SHROOM2: variants seen among roughly 807,000 people sequenced by gnomAD.
The protein encoded by SHROOM2 is shroom family member 2.
A neutral mutation model predicts 75.9 loss-of-function variants in SHROOM2; 33 were observed. The ratio of observed to expected loss-of-function variants is 0.43; its 90% CI spans 0.33 to 0.58. The LOEUF is 0.58. Among genes scored for constraint, SHROOM2 ranks in the 20% least tolerant of loss-of-function variants. The pLI, the probability that SHROOM2 is intolerant of heterozygous loss-of-function variation, is 0.04. For missense variants in SHROOM2, 1,434 were observed against 1,461.2 expected (o/e 0.98, Z 0.30); for synonymous variants, 655 against 663.6 (o/e 0.99, Z 0.20).
rs1320545615 is a variant in SHROOM2 at position 9,786,618 on chromosome X, C to A, written c.73C>A (p.Arg25Ser). 2.3e-5 allele frequency: 20 copies of A among 879,464 alleles called. No homozygotes were observed. The East Asian group carries it at 8.2e-4, about 36-fold the overall frequency. 72.5% of individuals were successfully genotyped at this position (879,464 alleles called of 1,213,427 possible). A position where few individuals can be genotyped will look rare whatever the true frequency, so the allele number is the denominator to read the frequency against. The change falls in exon 1 of 10, where the codon CGC (arginine) becomes AGC (serine). Residue 25 changes from arginine (R) to serine (S), a missense_variant. Around this residue, in one of 3 missense-constraint regions of SHROOM2, gnomAD observed 1,340 missense variants for 1,338.3 expected, o/e 1.00. Transcript: ENST00000380913. The part of the protein sequence containing the change: ...EAETRAADGG[R>S]LVEVQLSGGA... Reference sequence around the variant, plus strand: ...CGAGACGCGGGCGGCGGACGGCGGGCGCCTGGTGGAGGTGCAGCTGAGCGG... The same window carrying A: ...CGAGACGCGGGCGGCGGACGGCGGGAGCCTGGTGGAGGTGCAGCTGAGCGG...
intron 2 of SHROOM2, among the ~76,000 whole-genome samples, chrX:9,875,567 A>G (rs1210964329): frequency 2.7e-5 from 3 of 111,776 alleles, no homozygotes; most frequent in Non-Finnish European, 3.8e-5. Context: ...CTCTTCTTTG[A>G]TGGAGACACC....
Position 9,838,968 on chromosome X carries a change from G to T in SHROOM2, c.166-34684G>T, listed in dbSNP as rs773198406. 7.2e-5 allele frequency among the ~76,000 whole-genome samples: 8 copies of T among 111,438 alleles called. No homozygotes were observed. In the South Asian group the frequency reaches 3.1e-3, roughly 43 times the overall value. On this transcript the variant is annotated intron_variant, in intron 1 of 9. Coordinates refer to ENST00000380913, the MANE Select transcript of SHROOM2 (RefSeq NM_001649.4). ...CTTAAGGAATACAAAGGATCTTTTG[G>T]GGGTGATGGAAAGGGACTAAGATTG... is the stretch of plus-strand genomic sequence containing the variant.
chrX:9,806,081 C>G (rs2083750191), intron 1 of SHROOM2, among the ~76,000 whole-genome samples: 1 of 110,835 alleles, frequency 9.0e-6, no homozygotes, highest in Non-Finnish European at 1.9e-5. Context: ...ACTGAATCCG[C>G]CATGTCTTGA....
rs762245831 is a variant in SHROOM2, at chrX:9,873,166, C to T, written c.166-486C>T. On this transcript the variant is annotated intron_variant, in intron 1 of 9. Coordinates refer to ENST00000380913, the MANE Select transcript of SHROOM2 (RefSeq NM_001649.4). ...GTAGTAATGAGCACAAGGTTTCTTT[C>T]GGGGTTAGGGGAAATGCCCTAATAT... Among the ~76,000 whole-genome samples the T allele has an allele frequency of 4.7e-3, 528 of 111,601 alleles. 3 individuals carry two copies. The highest frequency in any genetic ancestry group is 8.6e-3 in the South Asian group (23 of 2,668).
intron 5 of SHROOM2, among the ~76,000 whole-genome samples, chrX:9,920,623 C>A (rs1170314311): frequency 2.7e-5 from 3 of 111,760 alleles, no homozygotes; most frequent in Non-Finnish European, 5.6e-5. Flanking sequence ...GATTTTTTTT[C>A]TCTTTTAACC....
In SHROOM2 at chrX:9,930,521, A is replaced by AAAAG. The variant is rs527400882; in HGVS notation, c.2892-1630_2892-1627dup. ...GACCCTGTCTCAAAAAAAAAAAAAG[A>AAAAG]AAAGAAAGAAAGAAAGAAAGAAAGA... is the stretch of plus-strand genomic sequence containing the variant. On this transcript the variant is annotated intron_variant, in intron 5 of 9. Transcript: ENST00000380913. Among the ~76,000 whole-genome samples the AAAAG allele has an allele frequency of 8.0e-3, 862 of 107,653 alleles. 2 individuals are homozygous for AAAAG. The highest frequency in any genetic ancestry group is 0.013 in the Non-Finnish European group (659 of 52,099). 93.5% of individuals were successfully genotyped at this position (107,653 alleles called of 115,157 possible). A position where few individuals can be genotyped will look rare whatever the true frequency, so the allele number is the denominator to read the frequency against.
chrX:9,808,088 C>G (rs1460335308), intron 1 of SHROOM2, among the ~76,000 whole-genome samples: 1 of 111,121 alleles, frequency 9.0e-6, no homozygotes, highest in East Asian at 2.8e-4. Flanking sequence ...AGACTTTGCC[C>G]CGCTTGGAGC....
intron 1 of SHROOM2, among the ~76,000 whole-genome samples, chrX:9,809,555 G>A (rs938559867): frequency 8.9e-6 from 1 of 112,431 alleles, no homozygotes; most frequent in Non-Finnish European, 1.9e-5. Flanking sequence ...AAAGACAATG[G>A]TAAGGTCATA....
rs971469599 is a variant in SHROOM2, at chrX:9,932,683, C to T, written c.3400C>T (p.Arg1134Cys). 12 of 1,210,112 alleles carry T rather than the reference C, an allele frequency of 9.9e-6. No homozygotes were observed. Among genetic ancestry groups the T allele is most frequent in the African/African-American group, 5.2e-5 (3 of 57,444 alleles). Residue 1134 changes from arginine (R) to cysteine (C), a missense_variant, in exon 6 of 10, where the codon CGT becomes TGT. Physicochemically the swap from Arg to Cys is radical, Grantham distance 180. Around this residue, in one of 3 missense-constraint regions of SHROOM2, gnomAD observed 1,340 missense variants for 1,338.3 expected, o/e 1.00. Transcript: ENST00000380913. Reference sequence around the variant, plus strand: ...CACCCCGAAGGCCACTGTCTGTGAGCGTGGAAGCCAGCATGTGAGCGGGGA... The same window carrying T: ...CACCCCGAAGGCCACTGTCTGTGAGTGTGGAAGCCAGCATGTGAGCGGGGA... ...QDTPKATVCERGSQHVSGDAS... is the reference protein window; with the variant it reads ...QDTPKATVCECGSQHVSGDAS...
chrX:9,853,978 C>T (rs932880531), intron 1 of SHROOM2, among the ~76,000 whole-genome samples: 10 of 111,786 alleles, frequency 8.9e-5, no homozygotes, highest in Non-Finnish European at 1.9e-4. Flanking sequence ...AGCCAAGGCT[C>T]GTTAGTCTGG....
chrX:9,824,783 G>C (rs1283876144), intron 1 of SHROOM2, among the ~76,000 whole-genome samples: 1 of 111,594 alleles, frequency 9.0e-6, no homozygotes, highest in Non-Finnish European at 1.9e-5. Context: ...CTTTTGAACT[G>C]TGCAGGGTCT....
chrX:9,840,158 AG>A (rs1477989303), intron 1 of SHROOM2, among the ~76,000 whole-genome samples: 2 of 112,744 alleles, frequency 1.8e-5, no homozygotes, highest in Non-Finnish European at 3.8e-5. Context: ...TATGTACTAG[AG>A]GAAGTCCTGT....
intron 1 of SHROOM2, among the ~76,000 whole-genome samples, chrX:9,796,099 T>C (rs2083693725): frequency 8.9e-6 from 1 of 111,846 alleles, no homozygotes; most frequent in African/African-American, 3.3e-5. Flanking sequence ...CATAAAGCTA[T>C]CTCTAGTAAA....
intron 2 of SHROOM2, among the ~76,000 whole-genome samples, chrX:9,886,603 C>T (rs957982353): frequency 9.0e-6 from 1 of 111,038 alleles, no homozygotes; most frequent in Non-Finnish European, 1.9e-5. Flanking sequence ...ACTTCTCAGT[C>T]TCCCCTCCCC....
chrX:9,851,469 T>TTTG (rs1555927429), intron 1 of SHROOM2, among the ~76,000 whole-genome samples: 4 of 93,696 alleles, frequency 4.3e-5, no homozygotes, highest in Non-Finnish European at 4.2e-5. Context: ...CTTTTTTTTT[T>TTTG]GGATAGAGTC....
At chrX:9,913,352 A>G (rs1474776724) in intron 5 of SHROOM2, 1 of 112,562 alleles carries the variant, frequency 8.9e-6, no homozygotes, top group African/African-American at 3.2e-5. Context: ...ATTTAAATAG[A>G]GAAAATGGAA....
chrX:9,822,699 G>A (rs955820116), intron 1 of SHROOM2, among the ~76,000 whole-genome samples: 5 of 112,610 alleles, frequency 4.4e-5, no homozygotes, highest in African/African-American at 1.6e-4. Context: ...CACGCAGGTG[G>A]CAGCTCCAGA....
At chrX:9,809,929 G>A (rs1329702996) in intron 1 of SHROOM2, among the ~76,000 whole-genome samples, 3 of 112,456 alleles carry the variant, frequency 2.7e-5, no homozygotes, top group African/African-American at 9.7e-5. Context: ...ACCTGCCTTG[G>A]CCTCCCAAAG....
At chrX:9,905,950 C>A (rs761837787) in intron 5 of SHROOM2, among the ~76,000 whole-genome samples, 1 of 111,619 alleles carries the variant, frequency 9.0e-6, no homozygotes, top group African/African-American at 3.3e-5. Context: ...TCTGTGGCAC[C>A]CAGGAAACTT....
Sources: gnomAD v4.1 joint callset for allele counts (sites outside exome capture counted in the v4.1 genomes callset) on GRCh38, gnomAD v4.1.1 for gene constraint, gnomAD v4.1.1 regional missense constraint, MANE v1.5 for transcripts, NCBI Gene and HGNC (gene_info 2026-07-23, HGNC 2026-07-21) for gene names.